ADAM12: variants seen among roughly 807,000 people sequenced by gnomAD.
ADAM12 encodes the protein disintegrin and metalloproteinase domain-containing protein 12.
ADAM12 carries 70 observed loss-of-function variants against 106.4 expected under a neutral mutation model. The ratio of observed to expected loss-of-function variants is 0.66; its 90% CI spans 0.54 to 0.80. ADAM12 has a LOEUF of 0.80. Ranked by LOEUF, ADAM12 falls within the 30% of genes least tolerant of loss-of-function variation. The pLI is 0.00. For synonymous variants in ADAM12, 420 were observed against 433.5 expected (o/e 0.97, Z 0.39); for missense variants, 1,010 against 1,171.9 (o/e 0.86, Z 2.02).
intron 4 of ADAM12, among the ~76,000 whole-genome samples, chr10:126,151,648 A>G (rs866927396): frequency 6.6e-6 from 1 of 151,844 alleles, no homozygotes; most frequent in African/African-American, 2.4e-5. Context: ...CTCAGGAACT[A>G]TTTGTTTCTT....
rs1856752255 is a variant in ADAM12 at position 126,388,280 on chromosome 10, G to C, written c.-135C>G. ...TCGGCGAGTCAGCTCCGGAGCCCTC[G>C]CGCAGCGCCCGCGCCGCCGCTGAGC... On this transcript the variant is annotated 5_prime_UTR_variant, in exon 1 of 23. Coordinates refer to ENST00000448723, the MANE Select transcript of ADAM12 (RefSeq NM_001288973.2). The surrounding 1 kb of genome is among the most constrained non-coding windows in gnomAD (Gnocchi z 4.4). 8.7e-7 allele frequency: 1 copy of C among 1,149,382 alleles called. No individual in the cohort carries two copies. The highest frequency in any genetic ancestry group is 1.6e-5 in the African/African-American group (1 of 61,690). The allele number at this position is 1,149,382 out of a possible 1,614,324, so 71.2% of individuals were successfully genotyped here. A position where few individuals can be genotyped will look rare whatever the true frequency, so the allele number is the denominator to read the frequency against.
chr10:126,217,006 C>A (rs1380104061), intron 3 of ADAM12, among the ~76,000 whole-genome samples: 1 of 152,168 alleles, frequency 6.6e-6, no homozygotes, highest in Non-Finnish European at 1.5e-5. Context: ...CTCCTGTTTT[C>A]TTGGTGCTCA....
intron 11 of ADAM12, among the ~76,000 whole-genome samples, chr10:126,089,843 C>T (rs1324656071): frequency 1.3e-5 from 2 of 152,182 alleles, no homozygotes; most frequent in Admixed American, 6.5e-5. Context: ...TCCTTTTGGC[C>T]TCCCCCAAAC....
At chr10:126,274,406 G>A (rs2133743838) in intron 3 of ADAM12, among the ~76,000 whole-genome samples, 1 of 152,186 alleles carries the variant, frequency 6.6e-6, no homozygotes, top group East Asian at 1.9e-4. Flanking sequence ...TTGCCTCAGG[G>A]GCTTGAGTAT....
intron 5 of ADAM12, among the ~76,000 whole-genome samples, chr10:126,130,006 G>T (rs1956274944): frequency 6.6e-6 from 1 of 152,020 alleles, no homozygotes; most frequent in Non-Finnish European, 1.5e-5. Flanking sequence ...AAGCAATGTG[G>T]GATGTTCTTT....
intron 12 of ADAM12, among the ~76,000 whole-genome samples, chr10:126,070,938 T>A (rs888052582): frequency 6.6e-6 from 1 of 152,198 alleles, no homozygotes; most frequent in Non-Finnish European, 1.5e-5. Flanking sequence ...CTGTGCTAGA[T>A]AAAAACGTTC....
intron 2 of ADAM12, among the ~76,000 whole-genome samples, chr10:126,319,042 T>TG (rs1028925958): frequency 6.6e-6 from 1 of 152,054 alleles, no homozygotes; most frequent in African/African-American, 2.4e-5. Flanking sequence ...CCACAACATG[T>TG]GGGGGATTGT....
chr10:126,032,854 CAGA>C (rs2035658099), intron 21 of ADAM12, among the ~76,000 whole-genome samples: 1 of 151,984 alleles, frequency 6.6e-6, no homozygotes, highest in South Asian at 2.1e-4. Flanking sequence ...TGTCAATAAA[CAGA>C]AGAAATTATA....
At chr10:126,294,684 C>T (rs906489659) in intron 2 of ADAM12, among the ~76,000 whole-genome samples, 9 of 151,974 alleles carry the variant, frequency 5.9e-5, no homozygotes, top group Non-Finnish European at 8.8e-5. Context: ...AGACGTAGCA[C>T]GTGGGTGTGA....
intron 3 of ADAM12, among the ~76,000 whole-genome samples, chr10:126,221,822 A>G (rs1410717779): frequency 6.6e-6 from 1 of 152,232 alleles, no homozygotes; most frequent in Non-Finnish European, 1.5e-5. Flanking sequence ...ACCAGGTGCT[A>G]CGAAACTCTA....
intron 3 of ADAM12, among the ~76,000 whole-genome samples, chr10:126,168,643 T>G (rs1375298372): frequency 1.3e-5 from 2 of 152,206 alleles, no homozygotes; most frequent in Non-Finnish European, 2.9e-5. Flanking sequence ...TTGAAACATT[T>G]AGGTCTGTTT....
chr10:126,361,420 A>C (rs1855740545), intron 1 of ADAM12, among the ~76,000 whole-genome samples: 1 of 138,438 alleles, frequency 7.2e-6, no homozygotes. Context: ...TTTTTTATAG[A>C]AATAGAAAAA....
Position 126,322,027 on chromosome 10 carries a change from G to A in ADAM12, c.186+8385C>T, listed in dbSNP as rs564717848. On this transcript the variant is annotated intron_variant, in intron 2 of 22. Coordinates refer to ENST00000448723, the MANE Select transcript of ADAM12 (RefSeq NM_001288973.2). ...CTAGGGGTTATAAACTATGGCCCTC[G>A]GGCAAAGCCAATGCACTGCCTGTTT... 7.1e-4 allele frequency among the ~76,000 whole-genome samples: 108 copies of A among 152,108 alleles called. 1 individual carries two copies. Among genetic ancestry groups the A allele is most frequent in the African/African-American group, 2.4e-3 (101 of 41,488 alleles).
chr10:126,044,073 G>A (rs1269582137), intron 17 of ADAM12, among the ~76,000 whole-genome samples: 1 of 152,126 alleles, frequency 6.6e-6, no homozygotes, highest in Non-Finnish European at 1.5e-5. Context: ...GTAACTAACT[G>A]AAAGTACATG....
At chr10:126,084,427 G>C (rs1377799589) in intron 11 of ADAM12, among the ~76,000 whole-genome samples, 1 of 152,170 alleles carries the variant, frequency 6.6e-6, no homozygotes, top group Non-Finnish European at 1.5e-5. Context: ...TTGTGTGGGG[G>C]TTGTTGGAGG....
chr10:126,328,308 G>C (rs965921660), intron 2 of ADAM12, among the ~76,000 whole-genome samples: 9 of 152,222 alleles, frequency 5.9e-5, no homozygotes, highest in African/African-American at 1.9e-4. Context: ...AAATCTAAAA[G>C]TCTATATTCT....
At chr10:126,306,146 T>C (rs1717185253) in intron 2 of ADAM12, among the ~76,000 whole-genome samples, 1 of 152,060 alleles carries the variant, frequency 6.6e-6, no homozygotes, top group African/African-American at 2.4e-5. Context: ...TTTTCTTGTG[T>C]ATTAGTATTT....
At chr10:126,062,288 C>T (rs1954773384) in intron 14 of ADAM12, among the ~76,000 whole-genome samples, 2 of 152,258 alleles carry the variant, frequency 1.3e-5, no homozygotes, top group East Asian at 3.9e-4. Context: ...CCACACACGA[C>T]ACCACCCACC....
chr10:126,190,649 C>T (rs1957482292), intron 3 of ADAM12, among the ~76,000 whole-genome samples: 1 of 152,098 alleles, frequency 6.6e-6, no homozygotes, highest in African/African-American at 2.4e-5. Flanking sequence ...TACATTACAG[C>T]CTGTGCTGTT....
Sources: gnomAD v4.1 joint callset for allele counts (sites outside exome capture counted in the v4.1 genomes callset) on GRCh38, gnomAD v4.1.1 for gene constraint, Gnocchi (gnomAD v3.1) non-coding constraint, MANE v1.5 for transcripts, NCBI Gene and HGNC (gene_info 2026-07-23, HGNC 2026-07-21) for gene names.